Variants in CD1B observed in about 807,000 individuals in gnomAD.
CD1B encodes the protein T-cell surface glycoprotein CD1b.
In CD1B, 43 loss-of-function variants were observed where a neutral mutation model predicts 39.8. The ratio of observed to expected loss-of-function variants is 1.08; its 90% CI spans 0.85 to 1.39. The LOEUF (loss-of-function observed/expected upper bound fraction) is 1.39, where lower values mean the gene tolerates loss of function less well. Ranked by LOEUF, CD1B falls within the 40% of genes most tolerant of loss-of-function variation. The pLI is 0.00. For synonymous variants in CD1B, 192 were observed against 152.5 expected, an observed-to-expected ratio of 1.26 and a Z score of -1.91; for missense variants, 495 against 403.8, an observed-to-expected ratio of 1.23 and a Z score of -1.94.
chr1:158,317,088 A>G, the CD1B span, among the ~76,000 whole-genome samples: 6 of 151,996 alleles, frequency 3.9e-5, no homozygotes, highest in Non-Finnish European at 5.9e-5. Context: ...TTTTGCATCA[A>G]TGTTCATCAA....
At chr1:158,310,716 C>A in the CD1B span, among the ~76,000 whole-genome samples, 1,757 of 152,188 alleles carry the variant, frequency 0.012, 34 homozygotes, top group African/African-American at 0.04. Context: ...TAAAAATTCT[C>A]AACATCACTA....
At chr1:158,293,665 C>G in the CD1B span, 1 of 1,375,240 alleles carries the variant, frequency 7.3e-7, no homozygotes, top group Non-Finnish European at 1.0e-6. Flanking sequence ...TTATATAGCA[C>G]TCAACCTTCA....
At position 158,330,181 on chromosome 1, in the gene CD1B, G is replaced by A. The variant is rs538908397; in HGVS notation, c.329-51C>T. 6.0e-4 allele frequency: 906 copies of A among 1,515,134 alleles called. 17 individuals are homozygous for A. In the South Asian group the frequency reaches 0.011, roughly 19 times the overall value. 93.9% of individuals were successfully genotyped at this position (1,515,134 alleles called of 1,614,324 possible). The stretch of plus-strand genomic sequence containing the variant: ...TTATTAAACACAAATAAGAAAAAAA[G>A]GCATGAGAAAAGAACCTAGGATTTT... On this transcript the variant is annotated intron_variant, in intron 2 of 5. Coordinates refer to ENST00000368168, the MANE Select transcript of CD1B (RefSeq NM_001764.3).
At chr1:158,312,291 T>A in the CD1B span, among the ~76,000 whole-genome samples, 2 of 152,168 alleles carry the variant, frequency 1.3e-5, no homozygotes, top group East Asian at 3.9e-4. Flanking sequence ...TCATGAGATA[T>A]GATAGTTTTA....
At chr1:158,299,579 A>G in the CD1B span, among the ~76,000 whole-genome samples, 1 of 152,046 alleles carries the variant, frequency 6.6e-6, no homozygotes, top group African/African-American at 2.4e-5. Context: ...TCCTCTTTGT[A>G]CCTTTAGTAG....
the CD1B span, among the ~76,000 whole-genome samples, chr1:158,313,029 C>T: frequency 7.9e-5 from 12 of 152,060 alleles, no homozygotes; most frequent in Non-Finnish European, 1.5e-5. Flanking sequence ...TCCTTATATA[C>T]CTAATTTATT....
At chr1:158,292,863 T>C in the CD1B span, 1 of 1,614,066 alleles carries the variant, frequency 6.2e-7, no homozygotes. Flanking sequence ...CAGGACATCA[T>C]CCTCTACTGG....
the CD1B span, chr1:158,289,780 T>A: frequency 3.2e-6 from 1 of 314,476 alleles, no homozygotes; most frequent in Non-Finnish European, 5.9e-6. Context: ...TACACCACTT[T>A]GTCTAAGGCA....
chr1:158,320,989 G>A, the CD1B span, among the ~76,000 whole-genome samples: 3 of 152,124 alleles, frequency 2.0e-5, no homozygotes, highest in Non-Finnish European at 4.4e-5. Flanking sequence ...TGCAACTACT[G>A]GATAGAATGT....
the CD1B span, among the ~76,000 whole-genome samples, chr1:158,316,785 G>A: frequency 9.1e-3 from 1,372 of 151,214 alleles, 26 homozygotes; most frequent in African/African-American, 0.032. Flanking sequence ...TATGATATTG[G>A]CTGTGGGTTT....
chr1:158,292,692 G>T, the CD1B span: 1 of 1,613,988 alleles, frequency 6.2e-7, no homozygotes, highest in East Asian at 2.2e-5. Context: ...AAGCCTGTTT[G>T]GGTGACATGG....
chr1:158,296,953 A>G, the CD1B span, among the ~76,000 whole-genome samples: 2 of 152,186 alleles, frequency 1.3e-5, no homozygotes, highest in Admixed American at 6.5e-5. Flanking sequence ...AGGTTATGTA[A>G]AGAGACCAAA....
At chr1:158,300,822 G>A in the CD1B span, among the ~76,000 whole-genome samples, 1,779 of 146,780 alleles carry the variant, frequency 0.012, 37 homozygotes, top group African/African-American at 0.041. Flanking sequence ...ACAGTGGTGC[G>A]ATCTCAGCTC....
At chr1:158,328,443 G>C (rs765577321) in intron 5 of CD1B, among the ~76,000 whole-genome samples, 186 bp from the exon 6 acceptor site, 2 of 152,112 alleles carry the variant, frequency 1.3e-5, no homozygotes, top group South Asian at 2.1e-4. Flanking sequence ...AAGGAAGGAA[G>C]CCCTTTCATA....
chr1:158,313,543 C>T, the CD1B span, among the ~76,000 whole-genome samples: 1 of 152,112 alleles, frequency 6.6e-6, no homozygotes, highest in Non-Finnish European at 1.5e-5. Context: ...CTCCTGGGCT[C>T]AAGTGATCCA....
Position 158,331,265 on chromosome 1 carries a change from C to T in CD1B, c.61+98G>A, listed in dbSNP as rs554110763. 19 of 1,234,716 alleles carry T rather than the reference C, an allele frequency of 1.5e-5. No homozygotes were observed. In the South Asian group the frequency reaches 2.4e-4, roughly 15 times the overall value. 76.5% of individuals were successfully genotyped at this position (1,234,716 alleles called of 1,614,324 possible). On this transcript the variant is annotated intron_variant, in intron 1 of 5. Coordinates refer to ENST00000368168, the MANE Select transcript of CD1B (RefSeq NM_001764.3). The stretch of plus-strand genomic sequence containing the variant: ...GAAGAGGGCGGGAGACAGAAAGACC[C>T]AGACCCTTAGTGTCCAATTGCACCT...
At chr1:158,308,293 C>T in the CD1B span, among the ~76,000 whole-genome samples, 2 of 152,124 alleles carry the variant, frequency 1.3e-5, no homozygotes, top group African/African-American at 4.8e-5. Context: ...AGGACCTCTT[C>T]AAGGAGAACT....
the CD1B span, among the ~76,000 whole-genome samples, chr1:158,298,416 G>T: frequency 6.6e-6 from 1 of 152,080 alleles, no homozygotes; most frequent in Admixed American, 6.6e-5. Context: ...TTGACAGAAC[G>T]CTCCACCCAA....
the CD1B span, among the ~76,000 whole-genome samples, chr1:158,311,590 G>T: frequency 6.6e-6 from 1 of 152,064 alleles, no homozygotes; most frequent in Non-Finnish European, 1.5e-5. Context: ...CCAACATGAA[G>T]CATTCCCCTA....
Sources: allele counts gnomAD v4.1 joint callset (sites outside exome capture counted in the v4.1 genomes callset), GRCh38; gene constraint gnomAD v4.1.1; transcripts MANE v1.5; gene names NCBI Gene and HGNC (gene_info 2026-07-23, HGNC 2026-07-21).